CNBD1: variants seen among roughly 807,000 people sequenced by gnomAD.
CNBD1 encodes the protein cyclic nucleotide binding domain containing 1.
In CNBD1, 71 loss-of-function variants were observed where a neutral mutation model predicts 54.4. The observed-to-expected ratio is 1.30, with a 90% CI of 1.08 to 1.59. The LOEUF (loss-of-function observed/expected upper bound fraction) is 1.59, where lower values mean the gene tolerates loss of function less well. CNBD1 is among the 40% of genes most tolerant of loss of function. CNBD1 has a pLI of 0.00. For synonymous variants in CNBD1, 182 were observed against 170.7 expected (o/e 1.07, Z -0.51); for missense variants, 659 against 518.0 (o/e 1.27, Z -2.64).
intron 4 of CNBD1, among the ~76,000 whole-genome samples, chr8:87,192,672 A>G (rs186825812): frequency 1.3e-5 from 2 of 152,194 alleles, no homozygotes; most frequent in Admixed American, 6.6e-5. Context: ...TAAAATTAGT[A>G]TGCATGTTGA....
At chr8:87,425,227 T>A (rs377515775) in intron 2 of CNBD1, among the ~76,000 whole-genome samples, 1 of 152,108 alleles carries the variant, frequency 6.6e-6, no homozygotes, top group African/African-American at 2.4e-5. Flanking sequence ...TTCTTCTAAA[T>A]TTTTTTCAAA....
intron 4 of CNBD1, among the ~76,000 whole-genome samples, chr8:87,169,449 T>G (rs762379080): frequency 6.6e-6 from 1 of 152,068 alleles, no homozygotes; most frequent in Non-Finnish European, 1.5e-5. Context: ...TGGTTGACTG[T>G]CCTCGTGGGG....
intron 8 of CNBD1, among the ~76,000 whole-genome samples, chr8:87,302,945 C>G (rs1046454966): frequency 6.6e-6 from 1 of 151,658 alleles, no homozygotes; most frequent in African/African-American, 2.4e-5. Context: ...TGAAGGACCT[C>G]TTCAAGGAGA....
At chr8:87,094,380 A>G (rs115745505) in intron 4 of CNBD1, among the ~76,000 whole-genome samples, 1 of 148,962 alleles carries the variant, frequency 6.7e-6, no homozygotes, top group South Asian at 2.1e-4. Flanking sequence ...GGTTTTTAAA[A>G]TTTTTTTATT....
At chr8:87,403,478 C>T (rs139191027) in intron 2 of CNBD1, among the ~76,000 whole-genome samples, 342 of 152,122 alleles carry the variant, frequency 2.2e-3, no homozygotes, top group Non-Finnish European at 3.4e-3. Context: ...CATCCCTTAA[C>T]TATTTGTTCA....
At chr8:86,900,015 T>G (rs7839565) in intron 2 of CNBD1, among the ~76,000 whole-genome samples, 10 of 151,884 alleles carry the variant, frequency 6.6e-5, no homozygotes, top group East Asian at 3.9e-4. Flanking sequence ...CTTTCCCCCC[T>G]CTTTTCTTGC....
At chr8:87,294,712 C>T (rs565706823) in intron 8 of CNBD1, among the ~76,000 whole-genome samples, 22 of 152,254 alleles carry the variant, frequency 1.4e-4, no homozygotes, top group Middle Eastern at 6.8e-3. Flanking sequence ...TTACTTTTGT[C>T]ATTAAAACTC....
At chr8:87,290,068 A>G (rs1808759480) in intron 8 of CNBD1, among the ~76,000 whole-genome samples, 1 of 152,068 alleles carries the variant, frequency 6.6e-6, no homozygotes, top group East Asian at 1.9e-4. Context: ...ATAAATTTCA[A>G]TTTAGCAGAA....
At chr8:87,130,850 C>G (rs1438017839) in intron 4 of CNBD1, among the ~76,000 whole-genome samples, 2 of 150,538 alleles carry the variant, frequency 1.3e-5, no homozygotes, top group East Asian at 3.9e-4. Flanking sequence ...GTCTAGCTCT[C>G]TTTTTATTAA....
chr8:87,090,587 T>C (rs1350676443), intron 4 of CNBD1, among the ~76,000 whole-genome samples: 5 of 152,196 alleles, frequency 3.3e-5, no homozygotes, highest in Non-Finnish European at 7.4e-5. Flanking sequence ...ACTTGGTTTT[T>C]CCAAAAGCTA....
chr8:87,343,069 G>A (rs1004270515), intron 8 of CNBD1, among the ~76,000 whole-genome samples: 2 of 152,070 alleles, frequency 1.3e-5, no homozygotes, highest in Admixed American at 6.6e-5. Flanking sequence ...CTTCCCCAGG[G>A]TTATTCCTTG....
intron 2 of CNBD1, 145 bp from the exon 3 acceptor site, chr8:86,904,936 C>T (rs1808993445): frequency 2.5e-6 from 1 of 392,964 alleles, no homozygotes; most frequent in East Asian, 3.6e-5. Context: ...TTTTAAAGCA[C>T]AAAATATTTA....
chr8:86,924,706 A>G (rs963166924), intron 3 of CNBD1, among the ~76,000 whole-genome samples: 11 of 152,152 alleles, frequency 7.2e-5, no homozygotes, highest in African/African-American at 2.7e-4. Context: ...TGATTATTTT[A>G]TAAATACTTA....
intron 3 of CNBD1, among the ~76,000 whole-genome samples, chr8:86,925,977 G>A (rs1809353545): frequency 6.6e-6 from 1 of 152,130 alleles, no homozygotes; most frequent in African/African-American, 2.4e-5. Flanking sequence ...GTTGTTTGCT[G>A]CTGCTGGCTG....
At chr8:87,025,633 G>A (rs536500135) in intron 4 of CNBD1, among the ~76,000 whole-genome samples, 4 of 152,178 alleles carry the variant, frequency 2.6e-5, no homozygotes, top group African/African-American at 9.6e-5. Flanking sequence ...GAAGGTCTGT[G>A]GCTTTACTCC....
intron 10 of CNBD1, among the ~76,000 whole-genome samples, chr8:87,364,124 A>T (rs1485441533): frequency 6.6e-6 from 1 of 151,844 alleles, no homozygotes; most frequent in Non-Finnish European, 1.5e-5. Flanking sequence ...TAATGAGAAA[A>T]CTAGCTAAAC....
intron 10 of CNBD1, among the ~76,000 whole-genome samples, chr8:87,359,596 T>C (rs1810489048): frequency 1.3e-5 from 2 of 152,140 alleles, no homozygotes; most frequent in Admixed American, 6.6e-5. Context: ...TGAAGAACAA[T>C]GATATTAATT....
intron 4 of CNBD1, among the ~76,000 whole-genome samples, chr8:87,050,428 T>G (rs548599121): frequency 6.6e-6 from 1 of 152,102 alleles, no homozygotes; most frequent in Non-Finnish European, 1.5e-5. Flanking sequence ...TCAGATGAGG[T>G]ACAGTGGAGA....
At chr8:87,394,539 A>G (rs142064013) in intron 2 of CNBD1, among the ~76,000 whole-genome samples, 3 of 152,036 alleles carry the variant, frequency 2.0e-5, no homozygotes, top group African/African-American at 7.2e-5. Flanking sequence ...GTGGTGAGAA[A>G]GGTTAGCACA....
Sources: allele counts gnomAD v4.1 joint callset (sites outside exome capture counted in the v4.1 genomes callset), GRCh38; gene constraint gnomAD v4.1.1; transcripts MANE v1.5; gene names NCBI Gene and HGNC (gene_info 2026-07-23, HGNC 2026-07-21).